The following NUP85 variants were observed in gnomAD, a reference collection of about 807,000 sequenced individuals.
NUP85 encodes the protein nuclear pore complex protein Nup85.
Under a neutral mutation model 92.8 loss-of-function variants are expected in NUP85, and 23 were observed. The observed-to-expected ratio is 0.25, with a 90% confidence interval of 0.18 to 0.35. The LOEUF is 0.35. NUP85 is among the 10% of genes least tolerant of loss of function. The pLI is 1.00. For missense variants in NUP85, 759 were observed against 822.8 expected (o/e 0.92, Z 0.95); for synonymous variants, 314 against 306.9 (o/e 1.02, Z -0.24).
intron 16 of NUP85, among the ~76,000 whole-genome samples, chr17:75,233,368 TTTC>T (rs2076154519): frequency 7.9e-6 from 1 of 126,914 alleles, no homozygotes; most frequent in Non-Finnish European, 1.6e-5. Context: ...TTTGTTTGTT[TTTC>T]TTTCTTTCTC....
Position 75,226,110 on chromosome 17 carries a change from G to T in NUP85, c.1047G>T (p.Leu349Phe). The change falls in exon 11 of 19, where the codon TTG becomes TTT. Residue 349 changes from leucine (L) to phenylalanine (F), a missense_variant. Coordinates refer to ENST00000245544, the MANE Select transcript of NUP85 (RefSeq NM_024844.5). ...ESSPEPLDNI[L>F]LAAFEFDIHQ... Reference sequence around the variant, plus strand: ...GCCCAGAACCCCTGGACAACATCTTGTTGGCAGCCTTTGAGTTTGACATCC... The same window carrying T: ...GCCCAGAACCCCTGGACAACATCTTTTTGGCAGCCTTTGAGTTTGACATCC... 6.2e-7 allele frequency: 1 copy of T among 1,614,108 alleles called. No homozygotes were observed. The highest frequency in any genetic ancestry group is 8.5e-7 in the Non-Finnish European group (1 of 1,180,018).
intron 16 of NUP85, among the ~76,000 whole-genome samples, chr17:75,233,393 CTT>C (rs1555668636): frequency 7.3e-6 from 1 of 137,394 alleles, no homozygotes; most frequent in Non-Finnish European, 1.6e-5. Context: ...CTTTCTTTCT[CTT>C]TCTCTTTCTC....
chr17:75,210,882 T>C (rs2075236904), intron 3 of NUP85, among the ~76,000 whole-genome samples: 1 of 151,704 alleles, frequency 6.6e-6, no homozygotes, highest in Admixed American at 6.6e-5. Context: ...TTTGTATTTT[T>C]AGTAGAGACG....
At chr17:75,233,343 A>G (rs1450207277) in intron 16 of NUP85, among the ~76,000 whole-genome samples, 185 bp downstream of exon 16, 1 of 147,896 alleles carries the variant, frequency 6.8e-6, no homozygotes, top group Non-Finnish European at 1.5e-5. Flanking sequence ...TAGTGCCTCC[A>G]TGTTTGTTTG....
At chr17:75,229,109 C>T in intron 11 of NUP85, 2 of 985,444 alleles carry the variant, frequency 2.0e-6, no homozygotes, top group Non-Finnish European at 1.2e-6. Flanking sequence ...CCTTCAAGTC[C>T]TCCAAAAGTA....
At chr17:75,212,620 G>A (rs1027608560) in intron 4 of NUP85, among the ~76,000 whole-genome samples, 1 of 151,846 alleles carries the variant, frequency 6.6e-6, no homozygotes, top group Non-Finnish European at 1.5e-5. Context: ...CTGCAGGTGT[G>A]TACTACCATG....
At chr17:75,215,245 C>T (rs1227107503) in intron 5 of NUP85, among the ~76,000 whole-genome samples, 6 of 152,168 alleles carry the variant, frequency 3.9e-5, no homozygotes, top group African/African-American at 1.2e-4. Flanking sequence ...GACAAGGTCT[C>T]GCTCTTGCCC....
intron 16 of NUP85, among the ~76,000 whole-genome samples, chr17:75,233,613 T>A (rs1051700494): frequency 8.6e-5 from 13 of 150,860 alleles, no homozygotes; most frequent in African/African-American, 3.2e-4. Flanking sequence ...TTATTTATTT[T>A]TTGGGGACAG....
chr17:75,223,793 A>T lies in NUP85; in HGVS notation c.598-1310A>T, dbSNP rs1043807942. Among the ~76,000 whole-genome samples the T allele has an allele frequency of 2.0e-5, 3 of 152,264 alleles. No individual in the cohort carries two copies. In the South Asian group the frequency reaches 6.2e-4, roughly 32 times the overall value. On this transcript the variant is annotated intron_variant, in intron 7 of 18. Coordinates refer to ENST00000245544, the MANE Select transcript of NUP85 (RefSeq NM_024844.5). Reference sequence around the variant, plus strand: ...ATTATTTCATTTTAATTTTTTTCCAAACAAAACTTCTCACATATTTATTAT... The same window carrying T: ...ATTATTTCATTTTAATTTTTTTCCATACAAAACTTCTCACATATTTATTAT...
At position 75,234,690 on chromosome 17, in the gene NUP85, G is replaced by C; in HGVS notation, c.1669G>C (p.Ala557Pro). 4 of 1,614,210 alleles carry C rather than the reference G, an allele frequency of 2.5e-6. No homozygotes were observed. The highest frequency in any genetic ancestry group is 3.4e-6 in the Non-Finnish European group (4 of 1,180,036). Reference sequence around the variant, plus strand: ...CGGGGAGAAGCGTTTTGCCGACGCAGCTTCTCTCCTTCTGTCCTTGATGAC... The same window carrying C: ...CGGGGAGAAGCGTTTTGCCGACGCACCTTCTCTCCTTCTGTCCTTGATGAC... ...MYGEKRFADA[A>P]SLLLSLMTSR... Residue 557 changes from alanine to proline, a missense_variant, in exon 17 of 19, where the codon GCT becomes CCT. Physicochemically the swap from Ala to Pro is conservative, Grantham distance 27. Coordinates refer to ENST00000245544, the MANE Select transcript of NUP85 (RefSeq NM_024844.5).
intron 5 of NUP85, among the ~76,000 whole-genome samples, chr17:75,213,702 A>G (rs1214518595): frequency 6.7e-6 from 1 of 149,800 alleles, no homozygotes; most frequent in East Asian, 2.0e-4. Context: ...TCTCATAAAC[A>G]CTCCTCACTT....
intron 14 of NUP85, 39 bp downstream of exon 14, chr17:75,232,018 G>A (rs2076080853): frequency 6.2e-6 from 10 of 1,608,784 alleles, no homozygotes; most frequent in African/African-American, 1.3e-5. Context: ...TCTGTGGGAC[G>A]CAGGAGTCAG....
Position 75,233,083 on chromosome 17 carries a change from G to A in NUP85, c.1540G>A (p.Gly514Ser), listed in dbSNP as rs773377242. The change falls in exon 16 of 19, where the codon GGC becomes AGC. Residue 514 changes from glycine to serine, a missense_variant. Transcript: ENST00000245544. ...DRFLRDYCER[G>S]CFSDLDLIDN... ...GTTCCTCAGGGATTACTGTGAGCGA[G>A]GCTGCTTTTCTGATTTGGATCTCAT... 1.9e-6 allele frequency: 3 copies of A among 1,614,176 alleles called. No homozygotes were observed. Among genetic ancestry groups the A allele is most frequent in the Non-Finnish European group, 2.5e-6 (3 of 1,180,034 alleles).
chr17:75,225,599 G>T, intron 9 of NUP85, 99 bp from the exon 10 acceptor site: 1 of 1,579,642 alleles, frequency 6.3e-7, no homozygotes, highest in South Asian at 1.2e-5. Context: ...AGAGCTTTCA[G>T]ACTAGTTGAA....
At chr17:75,213,313 A>G (rs562490698) in intron 5 of NUP85, among the ~76,000 whole-genome samples, 194 bp downstream of exon 5, 1 of 149,034 alleles carries the variant, frequency 6.7e-6, no homozygotes, top group South Asian at 2.1e-4. Flanking sequence ...TAAATACTTG[A>G]GTGAATGTTC....
intron 11 of NUP85, chr17:75,226,755 T>G (rs1038943151): frequency 6.7e-6 from 3 of 450,186 alleles, no homozygotes; most frequent in Non-Finnish European, 1.3e-5. Flanking sequence ...GGATGTTCAT[T>G]TAAAATAACA....
chr17:75,217,416 A>G (rs1323828294), intron 6 of NUP85, among the ~76,000 whole-genome samples: 1 of 150,254 alleles, frequency 6.7e-6, no homozygotes, highest in African/African-American at 2.4e-5. Flanking sequence ...TGCCCAGCCT[A>G]GTGTCAAACT....
intron 5 of NUP85, among the ~76,000 whole-genome samples, chr17:75,213,725 A>AT (rs142656202): frequency 0.064 from 9,479 of 147,796 alleles, 805 homozygotes; most frequent in African/African-American, 0.19. Context: ...TGAACTCAAC[A>AT]TTTTTTTTTT....
At chr17:75,233,434 TTTC>T (rs2076173587) in intron 16 of NUP85, among the ~76,000 whole-genome samples, 2 of 29,706 alleles carry the variant, frequency 6.7e-5, no homozygotes, top group African/African-American at 1.5e-4. Flanking sequence ...TCTTTTATTT[TTTC>T]TTTTTTTTTT....
Sources: gnomAD v4.1 joint callset for allele counts (sites outside exome capture counted in the v4.1 genomes callset) on GRCh38, gnomAD v4.1.1 for gene constraint, MANE v1.5 for transcripts, NCBI Gene and HGNC (gene_info 2026-07-23, HGNC 2026-07-21) for gene names.